VEZT: variants seen among roughly 807,000 people sequenced by gnomAD.
VEZT encodes vezatin.
A neutral mutation model predicts 79.9 loss-of-function variants in VEZT; 39 were observed. That is an observed-to-expected ratio of 0.49 (90% CI 0.38 to 0.64). VEZT has a LOEUF of 0.64. Among genes scored for constraint, VEZT ranks in the 30% least tolerant of loss-of-function variants. The pLI is 0.00. For synonymous variants in VEZT, 325 were observed against 327.6 expected, an observed-to-expected ratio of 0.99 and a Z score of 0.09; for missense variants, 837 against 893.1, an observed-to-expected ratio of 0.94 and a Z score of 0.80.
At chr12:95,223,829 A>T (rs529096135) in intron 1 of VEZT, among the ~76,000 whole-genome samples, 44 of 152,300 alleles carry the variant, frequency 2.9e-4, no homozygotes, top group Middle Eastern at 3.4e-3. Flanking sequence ...AAATTTTTTT[A>T]AAATTTCTAC....
At chr12:95,229,501 C>T (rs2058945960) in intron 1 of VEZT, among the ~76,000 whole-genome samples, 1 of 152,128 alleles carries the variant, frequency 6.6e-6, no homozygotes, top group Non-Finnish European at 1.5e-5. Context: ...ATCCTTTATA[C>T]CATATCATCC....
intron 2 of VEZT, among the ~76,000 whole-genome samples, chr12:95,255,924 T>A (rs887369234): frequency 6.6e-6 from 1 of 152,186 alleles, no homozygotes; most frequent in Non-Finnish European, 1.5e-5. Flanking sequence ...CCTATCTCAG[T>A]GTACCTTTTT....
intron 3 of VEZT, among the ~76,000 whole-genome samples, chr12:95,257,802 A>T (rs1593528819): frequency 6.6e-6 from 1 of 152,186 alleles, no homozygotes; most frequent in Non-Finnish European, 1.5e-5. Context: ...AGGTTTCAGG[A>T]TCTCTGCTGG....
At chr12:95,275,008 C>T in intron 7 of VEZT, 119 bp downstream of exon 7, 1 of 1,192,908 alleles carries the variant, frequency 8.4e-7, no homozygotes, top group Non-Finnish European at 1.1e-6. Flanking sequence ...ATACCATCAT[C>T]ATAAATGCAC....
At chr12:95,252,172 G>T in intron 2 of VEZT, 101 bp downstream of exon 2, 1 of 1,260,040 alleles carries the variant, frequency 7.9e-7, no homozygotes, top group Non-Finnish European at 1.1e-6. Context: ...CCTCACACTG[G>T]TAAGACTATT....
chr12:95,227,506 A>G (rs1351983373), intron 1 of VEZT, among the ~76,000 whole-genome samples: 1 of 151,794 alleles, frequency 6.6e-6, no homozygotes, highest in African/African-American at 2.4e-5. Context: ...ACACCCTGCT[A>G]ATTTTTGTAT....
At chr12:95,252,794 G>A (rs1019788896) in intron 2 of VEZT, among the ~76,000 whole-genome samples, 2 of 152,106 alleles carry the variant, frequency 1.3e-5, no homozygotes, top group African/African-American at 4.8e-5. Context: ...GTGAAACCCT[G>A]TCTCTACTAA....
chr12:95,267,355 T>C (rs929497513), intron 5 of VEZT, among the ~76,000 whole-genome samples: 2 of 152,224 alleles, frequency 1.3e-5, no homozygotes, highest in African/African-American at 4.8e-5. Context: ...TGCAGTACAC[T>C]GGACACCTGC....
At chr12:95,242,876 CAA>C (rs367689756) in intron 1 of VEZT, among the ~76,000 whole-genome samples, 17 of 64,266 alleles carry the variant, frequency 2.6e-4, no homozygotes, top group Admixed American at 5.4e-4. Flanking sequence ...TCCATCTCAC[CAA>C]AAAAAAAAAA....
At chr12:95,273,116 A>C (rs2066952287) in intron 6 of VEZT, among the ~76,000 whole-genome samples, 1 of 152,220 alleles carries the variant, frequency 6.6e-6, no homozygotes, top group Non-Finnish European at 1.5e-5. Flanking sequence ...TAGGATAAAG[A>C]ATACTCAATT....
chr12:95,291,236 T>G (rs1415256548), intron 9 of VEZT, among the ~76,000 whole-genome samples: 2 of 152,280 alleles, frequency 1.3e-5, no homozygotes, highest in East Asian at 3.9e-4. Context: ...GTCTCAAAAA[T>G]ATATGTGTGT....
intron 1 of VEZT, among the ~76,000 whole-genome samples, chr12:95,242,900 G>C (rs1458971449): frequency 2.1e-5 from 3 of 146,268 alleles, no homozygotes; most frequent in Non-Finnish European, 4.5e-5. Flanking sequence ...AAAAAAATCA[G>C]TAAAATGATA....
At chr12:95,255,765 A>G (rs2063372390) in intron 2 of VEZT, among the ~76,000 whole-genome samples, 2 of 152,084 alleles carry the variant, frequency 1.3e-5, no homozygotes, top group African/African-American at 4.8e-5. Flanking sequence ...CTTGTCTACA[A>G]TCATACCCTG....
chr12:95,234,802 C>T (rs924617330), intron 1 of VEZT, among the ~76,000 whole-genome samples: 5 of 152,194 alleles, frequency 3.3e-5, no homozygotes, highest in Admixed American at 2.0e-4. Flanking sequence ...GAGGACCCTG[C>T]GGCCTTCCGC....
chr12:95,244,476 T>C (rs56152405), intron 1 of VEZT, among the ~76,000 whole-genome samples: 16,820 of 152,192 alleles, frequency 0.11, 1,354 homozygotes, highest in African/African-American at 0.23. Context: ...GTGTTTGGGC[T>C]TCCTTAAATT....
intron 1 of VEZT, among the ~76,000 whole-genome samples, chr12:95,232,956 C>A (rs1285345538): frequency 6.6e-6 from 1 of 152,058 alleles, no homozygotes; most frequent in Admixed American, 6.5e-5. Flanking sequence ...CAGGTGTGTA[C>A]CACCATGTTT....
chr12:95,275,182 GATTTTATA>G (rs1240380680), intron 7 of VEZT, among the ~76,000 whole-genome samples: 1 of 152,202 alleles, frequency 6.6e-6, no homozygotes, highest in Non-Finnish European at 1.5e-5. Flanking sequence ...CAACGTGAGT[GATTTTATA>G]ACTAGCCATT....
At chr12:95,240,669 G>A (rs185589362) in intron 1 of VEZT, among the ~76,000 whole-genome samples, 267 of 152,136 alleles carry the variant, frequency 1.8e-3, no homozygotes, top group Non-Finnish European at 2.9e-3. Flanking sequence ...CAGTTATTTC[G>A]AAGGTAACTC....
chr12:95,244,213 T>C (rs182747010), intron 1 of VEZT, among the ~76,000 whole-genome samples: 272 of 152,042 alleles, frequency 1.8e-3, no homozygotes, highest in Admixed American at 3.7e-3. Context: ...GGCAACATAG[T>C]GAGACCCTGT....
Sources: gnomAD v4.1 joint callset for allele counts (sites outside exome capture counted in the v4.1 genomes callset) on GRCh38, gnomAD v4.1.1 for gene constraint, MANE v1.5 for transcripts, NCBI Gene and HGNC (gene_info 2026-07-23, HGNC 2026-07-21) for gene names.